Variants in LRRC37A observed in about 807,000 individuals in gnomAD.
LRRC37A encodes the protein leucine rich repeat containing 37A.
In LRRC37A, 3 loss-of-function variants were observed where a neutral mutation model predicts 35.4. The ratio of observed to expected loss-of-function variants is 0.08; its 90% CI spans 0.04 to 0.22. The LOEUF is 0.22. LRRC37A is among the 10% of genes least tolerant of loss of function. The pLI, the probability that LRRC37A is intolerant of heterozygous loss-of-function variation, is 1.00. For missense variants in LRRC37A, 67 were observed against 565.3 expected, an observed-to-expected ratio of 0.12 and a Z score of 8.94; for synonymous variants, 23 against 215.0, an observed-to-expected ratio of 0.11 and a Z score of 7.81.
At chr17:46,275,962 C>T in the LRRC37A span, among the ~76,000 whole-genome samples, 1 of 152,014 alleles carries the variant, frequency 6.6e-6, no homozygotes, top group Admixed American at 6.5e-5. Flanking sequence ...GCGATCTTGG[C>T]TCACTGCAAC....
chr17:46,281,693 G>C, the LRRC37A span, among the ~76,000 whole-genome samples: 3 of 152,180 alleles, frequency 2.0e-5, no homozygotes, highest in Non-Finnish European at 4.4e-5. Context: ...ACCCAGGCTG[G>C]AGTGCAGTGG....
the LRRC37A span, chr17:46,260,580 C>G: frequency 5.1e-6 from 8 of 1,576,694 alleles, no homozygotes; most frequent in Middle Eastern, 3.6e-4. Flanking sequence ...TCTCACACCA[C>G]AGCTCACAAT....
rs2143934727 is a variant in LRRC37A at position 46,323,027 on chromosome 17, TG to T, written c.3053+1del. ...ATGATGACTGTTGAACTGGAAAAAC[TG>T]TAAGTTATTTTTTTCTGAGATTTAT... On this transcript the variant is annotated splice_donor_variant, in intron 7 of 13. Coordinates refer to ENST00000320254, the Ensembl canonical transcript of LRRC37A. LOFTEE classifies it high-confidence loss of function. 1 of 345,862 alleles carries T rather than the reference TG, an allele frequency of 2.9e-6. No individual in the cohort carries two copies. Among genetic ancestry groups the T allele is most frequent in the African/African-American group, 3.3e-5 (1 of 30,510 alleles). The allele number at this position is 345,862 out of a possible 1,614,324, so 21.4% of individuals were successfully genotyped here.
chr17:46,278,415 G>T, the LRRC37A span, among the ~76,000 whole-genome samples: 37,976 of 116,260 alleles, frequency 0.33, 5,971 homozygotes, highest in East Asian at 0.48. Context: ...TTTTTTTGTT[G>T]TTGTTTTAAG....
the LRRC37A span, among the ~76,000 whole-genome samples, chr17:46,273,791 T>C: frequency 6.6e-6 from 1 of 152,324 alleles, no homozygotes; most frequent in Admixed American, 6.5e-5. Context: ...TTTCCTTACA[T>C]GGAAGAAACA....
chr17:46,261,887 T>C, the LRRC37A span, among the ~76,000 whole-genome samples: 3 of 152,160 alleles, frequency 2.0e-5, no homozygotes, highest in African/African-American at 4.8e-5. Context: ...AAAAATATTT[T>C]CCCCTTAAAA....
chr17:46,263,841 T>G, the LRRC37A span, among the ~76,000 whole-genome samples: 2 of 129,664 alleles, frequency 1.5e-5, no homozygotes, highest in African/African-American at 3.1e-5. Context: ...GCAACAAGAG[T>G]GAGACTCTGT....
the LRRC37A span, among the ~76,000 whole-genome samples, chr17:46,253,562 C>G: frequency 1.3e-5 from 2 of 152,214 alleles, no homozygotes; most frequent in African/African-American, 4.8e-5. Context: ...GCCCGGCCAA[C>G]GCAGCGAAAC....
the LRRC37A span, among the ~76,000 whole-genome samples, chr17:46,263,152 C>A: frequency 6.6e-6 from 1 of 152,060 alleles, no homozygotes; most frequent in East Asian, 1.9e-4. Context: ...AGGTCAAGGC[C>A]ACAGTGAGCC....
the LRRC37A span, among the ~76,000 whole-genome samples, chr17:46,282,904 A>C: frequency 6.6e-6 from 1 of 152,170 alleles, no homozygotes; most frequent in African/African-American, 2.4e-5. Flanking sequence ...GGATCACCTG[A>C]GGTCAGGAGT....
At chr17:46,267,893 C>CTT in the LRRC37A span, among the ~76,000 whole-genome samples, 366 of 89,222 alleles carry the variant, frequency 4.1e-3, 13 homozygotes, top group African/African-American at 0.017. Context: ...ACTCCCACAT[C>CTT]TTTTTTTTTT....
At chr17:46,260,960 T>C in the LRRC37A span, among the ~76,000 whole-genome samples, 2 of 152,214 alleles carry the variant, frequency 1.3e-5, no homozygotes, top group African/African-American at 4.8e-5. Context: ...AACTCAGGAA[T>C]GGAAAACCAA....
chr17:46,256,034 G>A, the LRRC37A span, among the ~76,000 whole-genome samples: 1 of 152,088 alleles, frequency 6.6e-6, no homozygotes, highest in Non-Finnish European at 1.5e-5. Context: ...TAGAAGGTGG[G>A]GCCTTTGGGA....
At chr17:46,259,212 A>G in the LRRC37A span, among the ~76,000 whole-genome samples, 5 of 144,650 alleles carry the variant, frequency 3.5e-5, no homozygotes, top group Non-Finnish European at 6.0e-5. Flanking sequence ...CAAAGAGGAC[A>G]AATCAGGACA....
chr17:46,249,871 C>G, the LRRC37A span, among the ~76,000 whole-genome samples: 1 of 152,238 alleles, frequency 6.6e-6, no homozygotes, highest in Non-Finnish European at 1.5e-5. Context: ...GTGGCATGAT[C>G]TCGGCTCACT....
chr17:46,277,501 C>G, the LRRC37A span, among the ~76,000 whole-genome samples: 1 of 152,180 alleles, frequency 6.6e-6, no homozygotes, highest in South Asian at 2.1e-4. Flanking sequence ...CCACCATGTA[C>G]AAATCAAAAA....
chr17:46,264,875 G>A, the LRRC37A span, among the ~76,000 whole-genome samples: 1 of 152,240 alleles, frequency 6.6e-6, no homozygotes, highest in African/African-American at 2.4e-5. Context: ...CCCCCAGCAG[G>A]ATGTGGGTGA....
chr17:46,262,735 A>C, the LRRC37A span, among the ~76,000 whole-genome samples: 2 of 151,646 alleles, frequency 1.3e-5, no homozygotes, highest in East Asian at 3.9e-4. Flanking sequence ...CGGTGAGCCG[A>C]GATCAAGCCA....
the LRRC37A span, among the ~76,000 whole-genome samples, chr17:46,252,307 T>A: frequency 1.3e-5 from 2 of 151,038 alleles, 1 homozygote; most frequent in Admixed American, 1.3e-4. Context: ...TGGGCTTAAG[T>A]GATTCTCCCA....
Sources: gnomAD v4.1 joint callset for allele counts (sites outside exome capture counted in the v4.1 genomes callset) on GRCh38, gnomAD v4.1.1 for gene constraint, MANE v1.5 for transcripts, NCBI Gene and HGNC (gene_info 2026-07-23, HGNC 2026-07-21) for gene names.